Variants in CACNA1D observed in about 807,000 individuals in gnomAD.
CACNA1D encodes voltage-dependent L-type calcium channel subunit alpha-1D.
CACNA1D carries 55 observed loss-of-function variants against 257.1 expected under a neutral mutation model. The ratio of observed to expected loss-of-function variants is 0.21; its 90% confidence interval spans 0.17 to 0.27. CACNA1D has a LOEUF of 0.27. Ranked by LOEUF, CACNA1D falls within the 10% of genes least tolerant of loss-of-function variation. CACNA1D has a pLI of 1.00. For missense variants in CACNA1D, 1,876 were observed against 2,784.0 expected (o/e 0.67, Z 7.34); for synonymous variants, 980 against 1,014.9 (o/e 0.97, Z 0.65).
chr3:53,579,232 A>G (rs1445103826), intron 3 of CACNA1D, among the ~76,000 whole-genome samples: 2 of 152,260 alleles, frequency 1.3e-5, no homozygotes, highest in African/African-American at 4.8e-5. Flanking sequence ...CGAATGTGAA[A>G]TAACCAGAAA....
At chr3:53,645,410 C>A (rs961980341) in intron 3 of CACNA1D, among the ~76,000 whole-genome samples, 1 of 152,114 alleles carries the variant, frequency 6.6e-6, no homozygotes, top group African/African-American at 2.4e-5. Context: ...TGTCAAGAAG[C>A]TTTTACTCTG....
chr3:53,596,252 C>T (rs1179523745), intron 3 of CACNA1D, among the ~76,000 whole-genome samples: 1 of 152,084 alleles, frequency 6.6e-6, no homozygotes, highest in East Asian at 1.9e-4. Context: ...CCCCTCCCCC[C>T]ACTCCCTGTA....
At chr3:53,696,471 G>T (rs2094574215) in intron 8 of CACNA1D, among the ~76,000 whole-genome samples, 2 of 152,220 alleles carry the variant, frequency 1.3e-5, no homozygotes, top group South Asian at 4.1e-4. Flanking sequence ...CACCAGCGGG[G>T]ATGGGGTAAG....
At chr3:53,790,939 T>C in intron 40 of CACNA1D, 2 of 702,320 alleles carry the variant, frequency 2.8e-6, no homozygotes, top group South Asian at 1.5e-5. Flanking sequence ...GGAGAACAGA[T>C]GCTAACAGAT....
Position 53,743,093 on chromosome 3 carries a change from T to C in CACNA1D, c.2894T>C (p.Val965Ala), listed in dbSNP as rs1559609167. 5.6e-6 allele frequency: 9 copies of C among 1,612,778 alleles called. No individual in the cohort carries two copies. Among genetic ancestry groups the C allele is most frequent in the Non-Finnish European group, 7.6e-6 (9 of 1,178,796 alleles). The change falls in exon 22 of 48, where the codon GTG becomes GCG. Residue 965 changes from valine to alanine, a missense_variant. Around this residue, in one of 10 missense-constraint regions of CACNA1D, gnomAD observed 271 missense variants for 425.5 expected, o/e 0.64. Transcript: ENST00000350061. Reference protein sequence around the residue: ...FNLLDMLVVGVSLVSFGIQSS... With the variant: ...FNLLDMLVVGASLVSFGIQSS... ...TTGCTGGATATGCTGGTGGTTGGGG[T>C]GTCTCTGGTGTCATTTGGGATTCAG...
intron 2 of CACNA1D, among the ~76,000 whole-genome samples, chr3:53,498,757 G>A (rs2090456665): frequency 6.6e-6 from 1 of 152,216 alleles, no homozygotes; most frequent in Non-Finnish European, 1.5e-5. Flanking sequence ...ATGGACAGGA[G>A]TTAAAATGAG....
chr3:53,717,008 C>T (rs1487027041), intron 9 of CACNA1D, among the ~76,000 whole-genome samples: 1 of 152,228 alleles, frequency 6.6e-6, no homozygotes, highest in Non-Finnish European at 1.5e-5. Flanking sequence ...GGCTGGGCCT[C>T]AGAATCTTCG....
At chr3:53,503,735 T>C (rs2090701038) in intron 3 of CACNA1D, among the ~76,000 whole-genome samples, 1 of 152,144 alleles carries the variant, frequency 6.6e-6, no homozygotes. Flanking sequence ...CCAGTGAATC[T>C]TTTCTTGACT....
chr3:53,619,586 G>A (rs1036931004), intron 3 of CACNA1D, among the ~76,000 whole-genome samples: 1 of 152,150 alleles, frequency 6.6e-6, no homozygotes, highest in African/African-American at 2.4e-5. Context: ...TGGGACTCAA[G>A]CCCTCATCTT....
intron 9 of CACNA1D, among the ~76,000 whole-genome samples, chr3:53,706,772 A>G (rs1576413442): frequency 6.6e-6 from 1 of 151,886 alleles, no homozygotes; most frequent in Admixed American, 6.6e-5. Context: ...TGCCTCTTCC[A>G]CCCTCCCACC....
intron 3 of CACNA1D, among the ~76,000 whole-genome samples, chr3:53,555,461 T>TGTGTGTGTGTGTG (rs533515957): frequency 1.0e-5 from 1 of 99,354 alleles, no homozygotes; most frequent in African/African-American, 5.4e-5. Flanking sequence ...TGTGTGTGTG[T>TGTGTGTGTGTGTG]TTTTTTTTTT....
chr3:53,785,519 C>T (rs1409604915), intron 39 of CACNA1D: 1 of 152,202 alleles, frequency 6.6e-6, no homozygotes, highest in African/African-American at 2.4e-5. Flanking sequence ...GAAGCCCACC[C>T]CGGGTACATT....
intron 5 of CACNA1D, among the ~76,000 whole-genome samples, chr3:53,665,417 C>A (rs918930374): frequency 2.0e-5 from 3 of 152,164 alleles, no homozygotes; most frequent in Non-Finnish European, 4.4e-5. Flanking sequence ...TGACATTGGG[C>A]AGTCCCCTCC....
At chr3:53,740,411 C>A in intron 21 of CACNA1D, 72 bp downstream of exon 21, 2 of 1,013,758 alleles carry the variant, frequency 2.0e-6, no homozygotes, top group Non-Finnish European at 3.1e-6. Context: ...TCTTTGTTTG[C>A]CTTCCAGATG....
intron 3 of CACNA1D, among the ~76,000 whole-genome samples, chr3:53,520,155 A>G (rs941086462): frequency 7.2e-5 from 11 of 152,222 alleles, no homozygotes; most frequent in Non-Finnish European, 1.6e-4. Context: ...TCTCTTGGCT[A>G]TATTCCTGGG....
intron 21 of CACNA1D, among the ~76,000 whole-genome samples, chr3:53,741,110 C>T (rs191084024): frequency 1.1e-3 from 165 of 152,248 alleles, no homozygotes; most frequent in Middle Eastern, 6.8e-3. Context: ...ACTGTGAAGT[C>T]TGCCCCATGG....
intron 8 of CACNA1D, among the ~76,000 whole-genome samples, chr3:53,690,876 G>A (rs375027791): frequency 6.6e-6 from 1 of 152,156 alleles, no homozygotes; most frequent in African/African-American, 2.4e-5. Flanking sequence ...CATGCCCTGC[G>A]GTTGCTGGTG....
At chr3:53,762,355 C>G (rs1269774295) in intron 30 of CACNA1D, among the ~76,000 whole-genome samples, 1 of 152,236 alleles carries the variant, frequency 6.6e-6, no homozygotes, top group Non-Finnish European at 1.5e-5. Flanking sequence ...GATAGGATGT[C>G]TCTAATTGTT....
chr3:53,802,726 G>A (rs762037244), intron 43 of CACNA1D, among the ~76,000 whole-genome samples: 11 of 152,222 alleles, frequency 7.2e-5, no homozygotes, highest in African/African-American at 1.4e-4. Flanking sequence ...AAGTGAAGTC[G>A]GGAGCCATGT....
Sources: gnomAD v4.1 joint callset for allele counts (sites outside exome capture counted in the v4.1 genomes callset) on GRCh38, gnomAD v4.1.1 for gene constraint, gnomAD v4.1.1 regional missense constraint, MANE v1.5 for transcripts, NCBI Gene and HGNC (gene_info 2026-07-23, HGNC 2026-07-21) for gene names.